CRADD: variants seen among roughly 807,000 people sequenced by gnomAD.
CRADD encodes CARD and death domain containing adaptor protein, also known as death domain-containing protein CRADD.
Under a neutral mutation model 15.5 loss-of-function variants are expected in CRADD, and 9 were observed. That is an observed-to-expected ratio of 0.58 (90% CI 0.35 to 1.01). CRADD has a LOEUF of 1.01. Among genes scored for constraint, CRADD ranks in the 50% least tolerant of loss-of-function variants. The pLI, the probability that CRADD is intolerant of heterozygous loss-of-function variation, is 0.02. For missense variants in CRADD, 227 were observed against 250.3 expected, an observed-to-expected ratio of 0.91 and a Z score of 0.63; for synonymous variants, 118 against 107.6, an observed-to-expected ratio of 1.10 and a Z score of -0.60.
rs186028202 is a variant in CRADD at position 93,874,863 on chromosome 12, A to C, written c.299-19187A>C. Among the ~76,000 whole-genome samples the C allele has an allele frequency of 7.7e-4, 117 of 152,110 alleles. 2 individuals are homozygous for C. The East Asian group carries it at 0.017, about 22-fold the overall frequency. On this transcript the variant is annotated intron_variant, in intron 2 of 2. Coordinates refer to the CRADD transcript ENST00000548483. Reference sequence around the variant, plus strand: ...ATATGGCCTATCCTTCAGAATGATCAATGTGCTGAGGAAAAAAAACGTGTA... The same window carrying C: ...ATATGGCCTATCCTTCAGAATGATCCATGTGCTGAGGAAAAAAAACGTGTA...
chr12:93,694,874 A>G lies in CRADD; in HGVS notation c.298+15802A>G, dbSNP rs1478043296. 5.9e-5 allele frequency among the ~76,000 whole-genome samples: 9 copies of G among 152,264 alleles called. No homozygotes were observed. The South Asian group carries it at 1.4e-3, about 25-fold the overall frequency. On this transcript the variant is annotated intron_variant, in intron 2 of 2. Transcript: ENST00000332896. ...GATTGAAAGAATTAATACTGTTAAA[A>G]TGTCCATACTACCCAAAGTGATTTA...
chr12:93,842,546 G>T (rs1375429794), intron 2 of CRADD, among the ~76,000 whole-genome samples: 1 of 152,100 alleles, frequency 6.6e-6, no homozygotes, highest in Non-Finnish European at 1.5e-5. Flanking sequence ...GGTCACAGAA[G>T]TAGAAGAGCT....
intron 2 of CRADD, among the ~76,000 whole-genome samples, chr12:93,726,563 C>T (rs10859563): frequency 6.6e-6 from 1 of 151,910 alleles, no homozygotes; most frequent in African/African-American, 2.4e-5. Context: ...TAGTACTCTA[C>T]TTGGAGGGGT....
chr12:93,843,004 A>G (rs1463070843), intron 2 of CRADD, among the ~76,000 whole-genome samples: 4 of 152,190 alleles, frequency 2.6e-5, no homozygotes, highest in Non-Finnish European at 4.4e-5. Flanking sequence ...ACAGCCCTGT[A>G]TGAGGGCCGT....
chr12:93,812,541 T>C (rs1444820739), intron 2 of CRADD, among the ~76,000 whole-genome samples: 2 of 151,820 alleles, frequency 1.3e-5, no homozygotes, highest in East Asian at 1.9e-4. Context: ...AAAAAAATTG[T>C]ATTCTAAGTT....
intron 2 of CRADD, among the ~76,000 whole-genome samples, chr12:93,827,321 A>G (rs563307898): frequency 1.1e-4 from 16 of 152,138 alleles, no homozygotes; most frequent in African/African-American, 3.6e-4. Flanking sequence ...GTTCTACAGC[A>G]TTCTCTTTTG....
At chr12:93,885,898 G>A (rs1259844529) in intron 2 of CRADD, among the ~76,000 whole-genome samples, 2 of 152,072 alleles carry the variant, frequency 1.3e-5, no homozygotes, top group Non-Finnish European at 1.5e-5. Flanking sequence ...AGTTAGCCAG[G>A]GATGATGGCA....
chr12:93,814,508 A>G (rs1475278674), intron 2 of CRADD, among the ~76,000 whole-genome samples: 1 of 152,234 alleles, frequency 6.6e-6, no homozygotes, highest in Non-Finnish European at 1.5e-5. Flanking sequence ...CACGAATCCT[A>G]GAATCCTATG....
chr12:93,836,823 G>T (rs1957977678), intron 2 of CRADD, among the ~76,000 whole-genome samples: 1 of 152,206 alleles, frequency 6.6e-6, no homozygotes, highest in Admixed American at 6.5e-5. Flanking sequence ...TGAGCAGGAT[G>T]GACAAAGCTC....
intron 2 of CRADD, among the ~76,000 whole-genome samples, chr12:93,681,992 CTT>C (rs1281766388): frequency 6.6e-6 from 1 of 152,116 alleles, no homozygotes; most frequent in African/African-American, 2.4e-5. Context: ...AACACCTTCT[CTT>C]GTTTCAGAAC....
At chr12:93,764,891 G>T (rs903174) in intron 2 of CRADD, among the ~76,000 whole-genome samples, 85,847 of 151,560 alleles carry the variant, frequency 0.57, 25,253 homozygotes, top group East Asian at 0.89. Flanking sequence ...AAATACCTCT[G>T]TATCCTCTTT....
intron 2 of CRADD, among the ~76,000 whole-genome samples, chr12:93,856,452 C>G (rs1035064043): frequency 3.9e-5 from 6 of 152,198 alleles, no homozygotes; most frequent in African/African-American, 1.4e-4. Flanking sequence ...CTATAACCAC[C>G]AGCAACTATG....
At chr12:93,832,670 A>C (rs1957921982) in intron 2 of CRADD, among the ~76,000 whole-genome samples, 1 of 152,218 alleles carries the variant, frequency 6.6e-6, no homozygotes, top group Non-Finnish European at 1.5e-5. Flanking sequence ...ATGAAACTAA[A>C]GTTATAAGTA....
rs115979091 is a variant in CRADD, at chr12:93,741,909, T to A, written c.298+62837T>A. On this transcript the variant is annotated intron_variant, in intron 2 of 2. Coordinates refer to ENST00000332896, the MANE Select transcript of CRADD (RefSeq NM_003805.5). ...CTTCCCAGAGACAGCAACCTCGGCTTCTGAACCCTTAGTGCTCATTCTATG... is the reference window on the plus strand; with the variant it reads ...CTTCCCAGAGACAGCAACCTCGGCTACTGAACCCTTAGTGCTCATTCTATG... Among the ~76,000 whole-genome samples the A allele has an allele frequency of 6.6e-3, 1,006 of 152,260 alleles. 11 individuals are homozygous for A. The highest frequency in any genetic ancestry group is 0.023 in the African/African-American group (962 of 41,536).
chr12:93,705,929 C>G (rs61928988), intron 2 of CRADD, among the ~76,000 whole-genome samples: 1 of 152,042 alleles, frequency 6.6e-6, no homozygotes, highest in African/African-American at 2.4e-5. Context: ...ATGTATTATT[C>G]GGAGTTAATG....
At chr12:93,770,576 C>T (rs1957076987) in intron 2 of CRADD, among the ~76,000 whole-genome samples, 1 of 152,214 alleles carries the variant, frequency 6.6e-6, no homozygotes, top group South Asian at 2.1e-4. Context: ...CCCCATTGCT[C>T]TGCCATACAG....
intron 2 of CRADD, among the ~76,000 whole-genome samples, chr12:93,872,161 A>G (rs1360505345): frequency 6.6e-6 from 1 of 152,166 alleles, no homozygotes; most frequent in Non-Finnish European, 1.5e-5. Context: ...TCTGATGATC[A>G]ATAATGTTGA....
intron 2 of CRADD, among the ~76,000 whole-genome samples, chr12:93,705,003 C>G (rs114252375): frequency 6.6e-6 from 1 of 152,348 alleles, no homozygotes; most frequent in African/African-American, 2.4e-5. Context: ...AAGTCACTTT[C>G]TGCAACATTA....
At chr12:93,861,156 G>A (rs1373353134) in intron 2 of CRADD, among the ~76,000 whole-genome samples, 1 of 152,226 alleles carries the variant, frequency 6.6e-6, no homozygotes, top group East Asian at 1.9e-4. Context: ...TGAGAGCTGA[G>A]GGAGCAGAGG....
Sources: allele counts gnomAD v4.1 joint callset (sites outside exome capture counted in the v4.1 genomes callset), GRCh38; gene constraint gnomAD v4.1.1; transcripts MANE v1.5; gene names NCBI Gene and HGNC (gene_info 2026-07-23, HGNC 2026-07-21).